TNFSF11: variants seen among roughly 807,000 people sequenced by gnomAD.
The protein encoded by TNFSF11 is TNF superfamily member 11.
A neutral mutation model predicts 32.2 loss-of-function variants in TNFSF11; 12 were observed. The observed-to-expected ratio is 0.37, with a 90% CI of 0.24 to 0.60. The LOEUF (loss-of-function observed/expected upper bound fraction) is 0.60. TNFSF11 is among the 20% of genes least tolerant of loss of function. The probability of loss-of-function intolerance (pLI) is 0.66; values close to 1 mark genes in which losing one functional copy is unlikely to be tolerated. For missense variants in TNFSF11, 345 were observed against 398.0 expected, an observed-to-expected ratio of 0.87 and a Z score of 1.13; for synonymous variants, 172 against 152.1, an observed-to-expected ratio of 1.13 and a Z score of -0.96.
intron 2 of TNFSF11, among the ~76,000 whole-genome samples, chr13:42,595,563 C>CT (rs1868761219): frequency 6.6e-6 from 1 of 152,172 alleles, no homozygotes; most frequent in South Asian, 2.1e-4. Context: ...AGCCTGGTAA[C>CT]TGTTTCTGGC....
upstream of TNFSF11, chr13:42,571,619 T>C (rs886094838): frequency 6.6e-6 from 1 of 152,220 alleles, no homozygotes; most frequent in Non-Finnish European, 1.5e-5. Flanking sequence ...TCCTCACGCC[T>C]CGGCCACCCA....
chr13:42,581,139 G>A lies in TNFSF11; in HGVS notation c.233G>A (p.Arg78Lys). 1 of 1,614,018 alleles carries A rather than the reference G, an allele frequency of 6.2e-7. No homozygotes were observed. Among genetic ancestry groups the A allele is most frequent in the East Asian group, 2.2e-5 (1 of 44,876 alleles). ...TCTCCTCCTCAGATGGATCCTAATA[G>A]AATATCAGAAGATGGCACTCACTGC... ...FYFRAQMDPNRISEDGTHCIY... is the reference protein window; with the variant it reads ...FYFRAQMDPNKISEDGTHCIY... The change falls in exon 2 of 5, where the codon AGA becomes AAA. Residue 78 changes from arginine (R) to lysine (K), a missense_variant. Arg to Lys is a conservative substitution (Grantham distance 26). This residue lies in a region of TNFSF11 where 197 missense variants were observed against 182.0 expected (regional missense o/e 1.08). Coordinates refer to ENST00000398795, the MANE Select transcript of TNFSF11 (RefSeq NM_003701.4).
At chr13:42,580,040 A>C (rs1873526688) in intron 1 of TNFSF11, among the ~76,000 whole-genome samples, 2 of 152,164 alleles carry the variant, frequency 1.3e-5, no homozygotes, top group South Asian at 4.1e-4. Flanking sequence ...TTTTTAAAAG[A>C]GAGAAAGAGA....
intron 2 of TNFSF11, among the ~76,000 whole-genome samples, chr13:42,593,145 G>T (rs1465770110): frequency 6.6e-6 from 1 of 152,200 alleles, no homozygotes; most frequent in Non-Finnish European, 1.5e-5. Flanking sequence ...CTCAGGTAAG[G>T]TTGGAAGGGG....
chr13:42,564,715 G>C (rs1872807802), intron 1 of TNFSF11, among the ~76,000 whole-genome samples: 1 of 152,166 alleles, frequency 6.6e-6, no homozygotes, highest in Non-Finnish European at 1.5e-5. Context: ...TGTATACCAA[G>C]CATTGTATAT....
chr13:42,580,828 T>C (rs1873566618), intron 1 of TNFSF11, among the ~76,000 whole-genome samples: 1 of 152,170 alleles, frequency 6.6e-6, no homozygotes, highest in Non-Finnish European at 1.5e-5. Flanking sequence ...AACACTTTCA[T>C]GTTGTTAGAC....
intron 2 of TNFSF11, among the ~76,000 whole-genome samples, chr13:42,600,488 C>G (rs1374638316): frequency 6.6e-6 from 1 of 152,184 alleles, no homozygotes; most frequent in Non-Finnish European, 1.5e-5. Flanking sequence ...GGTTTATAAT[C>G]TACATCGTCT....
intron 1 of TNFSF11, among the ~76,000 whole-genome samples, chr13:42,578,271 A>G (rs978672247): frequency 1.3e-5 from 2 of 152,204 alleles, no homozygotes; most frequent in South Asian, 2.1e-4. Flanking sequence ...TAGGCGATAC[A>G]TTCGTTCAGT....
At chr13:42,600,822 A>G (rs1356528982) in intron 3 of TNFSF11, 25 bp downstream of exon 3, 2 of 1,614,034 alleles carry the variant, frequency 1.2e-6, no homozygotes, top group Admixed American at 1.7e-5. Flanking sequence ...ATACATCTGT[A>G]TGAAATCCCA....
chr13:42,602,772 CTG>C (rs1352536793), intron 4 of TNFSF11, among the ~76,000 whole-genome samples: 1 of 152,204 alleles, frequency 6.6e-6, no homozygotes, highest in Non-Finnish European at 1.5e-5. Flanking sequence ...AATGCATCAG[CTG>C]TGTGTGCTAT....
upstream of TNFSF11, among the ~76,000 whole-genome samples, chr13:42,570,188 T>C (rs183774722): frequency 2.0e-4 from 31 of 152,332 alleles, no homozygotes; most frequent in East Asian, 5.4e-3. Context: ...TGCCCAGCAG[T>C]GCAGCAATTC....
intron 2 of TNFSF11, among the ~76,000 whole-genome samples, chr13:42,590,321 T>C (rs1874106144): frequency 6.6e-6 from 1 of 152,232 alleles, no homozygotes. Context: ...TGGAGGTCAC[T>C]CGCAAGCTCA....
intron 1 of TNFSF11, among the ~76,000 whole-genome samples, chr13:42,565,966 C>T (rs9533154): frequency 0.37 from 55,959 of 152,054 alleles, 11,253 homozygotes; most frequent in Non-Finnish European, 0.44. Context: ...CACCCTCCCA[C>T]TCCCATCTCA....
At chr13:42,581,057 C>A in intron 1 of TNFSF11, 69 bp from the exon 2 acceptor site, 1 of 1,563,992 alleles carries the variant, frequency 6.4e-7, no homozygotes, top group Non-Finnish European at 8.8e-7. Flanking sequence ...GTTCTTAAGT[C>A]ACACTGTATT....
At chr13:42,566,916 C>T (rs1594454202) in intron 2 of TNFSF11, among the ~76,000 whole-genome samples, 1 of 151,992 alleles carries the variant, frequency 6.6e-6, no homozygotes, top group African/African-American at 2.4e-5. Flanking sequence ...TTGCTTGAAC[C>T]GGGGGGCAGA....
Position 42,607,091 on chromosome 13 carries a change from T to A in TNFSF11, c.*173T>A. On this transcript the variant is annotated 3_prime_UTR_variant, in exon 5 of 5. Coordinates refer to ENST00000398795, the MANE Select transcript of TNFSF11 (RefSeq NM_003701.4). ...AGAGAACACGCGTATTTACAGCCAG[T>A]GGGAGATGTTAGACTCATGGTGTGT... The A allele has an allele frequency of 1.3e-6, 1 of 754,384 alleles. No individual in the cohort carries two copies. The highest frequency in any genetic ancestry group is 1.8e-5 in the South Asian group (1 of 54,678). The allele number at this position is 754,384 out of a possible 1,614,324, so 46.7% of individuals were successfully genotyped here.
At chr13:42,570,165 T>C (rs1309540899), upstream of TNFSF11, among the ~76,000 whole-genome samples, 1 of 152,178 alleles carries the variant, frequency 6.6e-6, no homozygotes, top group Non-Finnish European at 1.5e-5. Flanking sequence ...TGAACAGCTA[T>C]AGTATTTGTA....
At chr13:42,586,188 T>C (rs1287023275) in intron 2 of TNFSF11, among the ~76,000 whole-genome samples, 2 of 152,242 alleles carry the variant, frequency 1.3e-5, no homozygotes, top group East Asian at 1.9e-4. Flanking sequence ...TCAGCCATTT[T>C]TGAAGATCAT....
chr13:42,574,519 G>A lies in TNFSF11; in HGVS notation c.216G>A (p.Ala72=), dbSNP rs770044058. The A allele has an allele frequency of 6.2e-7, 1 of 1,607,184 alleles. No individual in the cohort carries two copies. The highest frequency in any genetic ancestry group is 1.1e-5 in the South Asian group (1 of 90,628). Reference sequence around the variant, plus strand: ...TCGCCCTGTTCTTCTATTTCAGAGCGCAGGTGAGTGGCCACCTTCCCAGGG... The same window carrying A: ...TCGCCCTGTTCTTCTATTTCAGAGCACAGGTGAGTGGCCACCTTCCCAGGG... ...CSVALFFYFR[A]QMDPNRISED... The change falls in exon 1 of 5, where the codon GCG becomes GCA. Residue 72 remains alanine (A), a synonymous_variant. Coordinates refer to ENST00000398795, the MANE Select transcript of TNFSF11 (RefSeq NM_003701.4).
Sources: gnomAD v4.1 joint callset for allele counts (sites outside exome capture counted in the v4.1 genomes callset) on GRCh38, gnomAD v4.1.1 for gene constraint, gnomAD v4.1.1 regional missense constraint, MANE v1.5 for transcripts, NCBI Gene and HGNC (gene_info 2026-07-23, HGNC 2026-07-21) for gene names.